TNS4: variants seen among roughly 807,000 people sequenced by gnomAD.
The protein encoded by TNS4 is tensin-4.
TNS4 carries 46 observed loss-of-function variants against 70.4 expected under a neutral mutation model. The ratio of observed to expected loss-of-function variants is 0.65; its 90% CI spans 0.52 to 0.84. TNS4 has a LOEUF of 0.84. Among genes scored for constraint, TNS4 ranks in the 40% least tolerant of loss-of-function variants. TNS4 has a pLI of 0.00. For synonymous variants in TNS4, 390 were observed against 366.6 expected (o/e 1.06, Z -0.73); for missense variants, 863 against 907.0 (o/e 0.95, Z 0.62).
intron 6 of TNS4, among the ~76,000 whole-genome samples, chr17:40,484,272 A>T (rs2035962585): frequency 6.6e-6 from 1 of 152,206 alleles, no homozygotes; most frequent in East Asian, 1.9e-4. Context: ...TCGGGAAGGC[A>T]GAAGCACGCA....
In TNS4 at chr17:40,487,395, G is replaced by T. The variant is rs1435625425; in HGVS notation, c.929C>A (p.Pro310Gln). 6 of 1,614,064 alleles carry T rather than the reference G, an allele frequency of 3.7e-6. No homozygotes were observed. Among genetic ancestry groups the T allele is most frequent in the Non-Finnish European group, 5.1e-6 (6 of 1,179,974 alleles). ...HQSSSRSLES[P>Q]ANSSSSLHSL... is the part of the protein sequence containing the mutation. ...GTGGAGGCTGGAGGAAGAGTTGGCT[G>T]GACTTTCCAAGGATCTGGAAGATGA... Residue 310 changes from proline (P) to glutamine (Q), a missense_variant, in exon 4 of 13, where the codon CCA becomes CAA. By Grantham distance (76) the Pro-to-Gln change is moderately conservative. Coordinates refer to ENST00000254051, the MANE Select transcript of TNS4 (RefSeq NM_032865.6).
intron 2 of TNS4, among the ~76,000 whole-genome samples, chr17:40,489,568 G>A (rs1052575324): frequency 6.6e-6 from 1 of 152,114 alleles, no homozygotes; most frequent in Non-Finnish European, 1.5e-5. Context: ...AGCACTTTGG[G>A]AGGCCTAGGC....
chr17:40,495,064 G>A (rs2036125427), intron 2 of TNS4, among the ~76,000 whole-genome samples: 2 of 152,078 alleles, frequency 1.3e-5, no homozygotes, highest in African/African-American at 4.8e-5. Flanking sequence ...AGCTGGTTAA[G>A]AGCTGATTGT....
In TNS4 at chr17:40,476,403, T is replaced by TGGTGGGC; in HGVS notation, c.*1184_*1185insGCCCACC. On this transcript the variant is annotated 3_prime_UTR_variant, in exon 13 of 13. Coordinates refer to ENST00000254051, the MANE Select transcript of TNS4 (RefSeq NM_032865.6). ...GTGTGTGTGTGTGTGTGTGTGTGTG[T>TGGTGGGC]GTGTGTGTGTGTGTGTGTGTGTGTG... 6.6e-6 allele frequency: 1 copy of TGGTGGGC among 151,732 alleles called. No individual in the cohort carries two copies. Among genetic ancestry groups the TGGTGGGC allele is most frequent in the Non-Finnish European group, 1.5e-5 (1 of 68,802 alleles). The allele number at this position is 151,732 out of a possible 1,614,324, so 9.4% of individuals were successfully genotyped here. A position where few individuals can be genotyped will look rare whatever the true frequency, so the allele number is the denominator to read the frequency against.
At chr17:40,493,027 C>T (rs944007251) in intron 2 of TNS4, among the ~76,000 whole-genome samples, 3 of 151,824 alleles carry the variant, frequency 2.0e-5, no homozygotes, top group Admixed American at 6.6e-5. Context: ...ATTAGCCGGG[C>T]GTGGTGACAT....
chr17:40,490,372 T>C (rs1221122304), intron 2 of TNS4, among the ~76,000 whole-genome samples: 1 of 152,232 alleles, frequency 6.6e-6, no homozygotes, highest in East Asian at 1.9e-4. Flanking sequence ...GGAATTGTCC[T>C]TGGTGCTGTT....
intron 6 of TNS4, 93 bp from the exon 7 acceptor site, chr17:40,482,509 C>CGAG: frequency 2.5e-6 from 3 of 1,198,076 alleles, no homozygotes; most frequent in Non-Finnish European, 3.6e-6. Context: ...TTTGGGAGGC[C>CGAG]GAGGTGGGCA....
At chr17:40,478,528 G>A (rs1432862038) in intron 11 of TNS4, 52 bp downstream of exon 11, 1 of 1,606,000 alleles carries the variant, frequency 6.2e-7, no homozygotes, top group Non-Finnish European at 8.5e-7. Flanking sequence ...ACGCCTTGGT[G>A]GGCAGCGGGG....
At chr17:40,495,585 A>G (rs1016976507) in intron 2 of TNS4, among the ~76,000 whole-genome samples, 12 of 152,256 alleles carry the variant, frequency 7.9e-5, no homozygotes, top group East Asian at 1.9e-4. Context: ...AGAGGTCCCA[A>G]TAGCAATCCT....
intron 5 of TNS4, 45 bp downstream of exon 5, chr17:40,484,876 G>C: frequency 6.2e-7 from 1 of 1,601,166 alleles, no homozygotes; most frequent in Non-Finnish European, 8.6e-7. Flanking sequence ...GATGCAAAGT[G>C]CAAGACCCAG....
Position 40,488,715 on chromosome 17 carries a change from A to T in TNS4, c.694T>A (p.Ser232Thr). ...SPRPPNSPSI[S>T]IPCMGSKASS... is the part of the protein sequence containing the mutation. ...GCCTTGCTCCCCATGCAAGGGATTG[A>T]GATGCTGGGGGAATTTGGGGGTCGA... Residue 232 changes from serine (S) to threonine (T), a missense_variant, in exon 3 of 13, where the codon TCA (serine) becomes ACA (threonine). Physicochemically the swap from Ser to Thr is moderately conservative, Grantham distance 58 (BLOSUM62 1). Coordinates refer to ENST00000254051, the MANE Select transcript of TNS4 (RefSeq NM_032865.6). The T allele has an allele frequency of 6.3e-7, 1 of 1,588,184 alleles. No individual in the cohort carries two copies. Among genetic ancestry groups the T allele is most frequent in the South Asian group, 1.1e-5 (1 of 89,572 alleles).
intron 2 of TNS4, among the ~76,000 whole-genome samples, chr17:40,495,623 G>A (rs2036131507): frequency 6.6e-6 from 1 of 152,164 alleles, no homozygotes; most frequent in Admixed American, 6.5e-5. Flanking sequence ...GCCCAGGTTA[G>A]GCTCTGAAGT....
chr17:40,480,928 A>T (rs2035914313), intron 8 of TNS4, 160 bp from the exon 9 acceptor site: 1 of 780,276 alleles, frequency 1.3e-6, no homozygotes, highest in East Asian at 3.2e-5. Context: ...GTAATTAGGC[A>T]AACAGGCCAC....
intron 2 of TNS4, among the ~76,000 whole-genome samples, chr17:40,495,328 A>G (rs2036128673): frequency 6.6e-6 from 1 of 152,052 alleles, no homozygotes; most frequent in Non-Finnish European, 1.5e-5. Context: ...ACATGTCTCC[A>G]GCTCCTCATT....
chr17:40,496,364 C>T lies in TNS4; in HGVS notation c.62G>A (p.Cys21Tyr). ...GTGCAGGGTCCTCCTGGGCTCATCA[C>T]AAGGCGCCAAGCTGACAGCATGGCC... ...AGGHAVSLAP[C>Y]DEPRRTLHPA... Residue 21 changes from cysteine (C) to tyrosine (Y), a missense_variant, in exon 2 of 13, where the codon TGT (cysteine) becomes TAT (tyrosine). Coordinates refer to ENST00000254051, the MANE Select transcript of TNS4 (RefSeq NM_032865.6). 6.2e-7 allele frequency: 1 copy of T among 1,613,466 alleles called. No individual in the cohort carries two copies. Among genetic ancestry groups the T allele is most frequent in the South Asian group, 1.1e-5 (1 of 91,052 alleles).
chr17:40,477,023 G>A lies in TNS4; in HGVS notation c.*565C>T, dbSNP rs1010887709. The A allele has an allele frequency of 1.3e-5, 2 of 152,572 alleles. No homozygotes were observed. Among genetic ancestry groups the A allele is most frequent in the Non-Finnish European group, 2.9e-5 (2 of 68,326 alleles). The allele number at this position is 152,572 out of a possible 1,614,324, so 9.5% of individuals were successfully genotyped here. A position where few individuals can be genotyped will look rare whatever the true frequency, so the allele number is the denominator to read the frequency against. ...AGCTTGGCCTGCAGCATCCTGGCTGGGTGGACCCAAAAAGCCACCCAGAAA... is the reference window on the plus strand; with the variant it reads ...AGCTTGGCCTGCAGCATCCTGGCTGAGTGGACCCAAAAAGCCACCCAGAAA... On this transcript the variant is annotated 3_prime_UTR_variant, in exon 13 of 13. Transcript: ENST00000254051.
At chr17:40,490,927 A>G (rs954956214) in intron 2 of TNS4, among the ~76,000 whole-genome samples, 3 of 152,128 alleles carry the variant, frequency 2.0e-5, no homozygotes, top group African/African-American at 7.2e-5. Context: ...AGAGAGGAGC[A>G]TTTCCTACCT....
rs1012099719 is a variant in TNS4 at position 40,501,062 on chromosome 17, G to A, written c.-96+472C>T. Among the ~76,000 whole-genome samples the A allele has an allele frequency of 2.6e-5, 4 of 152,280 alleles. No homozygotes were observed. The East Asian group carries it at 7.7e-4, about 29-fold the overall frequency. On this transcript the variant is annotated intron_variant, in intron 1 of 12. Coordinates refer to ENST00000254051, the MANE Select transcript of TNS4 (RefSeq NM_032865.6). The stretch of plus-strand genomic sequence containing the variant: ...TTCCCTTGAACTGCTGAACTCCGCG[G>A]TCTGTGATCCTGAGACCATCTCTGT...
intron 2 of TNS4, among the ~76,000 whole-genome samples, chr17:40,490,788 T>C (rs1345833209): frequency 1.3e-5 from 2 of 152,220 alleles, no homozygotes; most frequent in Admixed American, 6.5e-5. Flanking sequence ...CCAAGGGCAT[T>C]GTGCAACTTT....
Sources: allele counts gnomAD v4.1 joint callset (sites outside exome capture counted in the v4.1 genomes callset), GRCh38; gene constraint gnomAD v4.1.1; transcripts MANE v1.5; gene names NCBI Gene and HGNC (gene_info 2026-07-23, HGNC 2026-07-21).